Variants in ZNF496 observed in about 807,000 individuals in gnomAD.
ZNF496 encodes the protein zinc finger protein 496, also known as NSD1 (nuclear receptor binding SET-domain containing 1)-interacting zinc finger protein 1.
In ZNF496, 11 loss-of-function variants were observed where a neutral mutation model predicts 58.9. The observed-to-expected ratio is 0.19, with a 90% CI of 0.12 to 0.31. ZNF496 has a LOEUF of 0.31. ZNF496 is among the 10% of genes least tolerant of loss of function. ZNF496 has a pLI of 1.00. For synonymous variants in ZNF496, 338 were observed against 318.2 expected, an observed-to-expected ratio of 1.06 and a Z score of -0.66; for missense variants, 660 against 783.0, an observed-to-expected ratio of 0.84 and a Z score of 1.88.
chr1:247,310,027 G>C, intron 7 of ZNF496: 1 of 1,425,384 alleles, frequency 7.0e-7, no homozygotes, highest in Non-Finnish European at 9.1e-7. Context: ...CGGGTGTAAA[G>C]CAGACATAAA....
chr1:247,316,879 C>A (rs1659798427), intron 6 of ZNF496, among the ~76,000 whole-genome samples: 1 of 152,094 alleles, frequency 6.6e-6, no homozygotes, highest in Admixed American at 6.6e-5. Context: ...GGACATTGAT[C>A]TACAGCGGGA....
At position 247,329,462 on chromosome 1, in the gene ZNF496, C is replaced by G; in HGVS notation, c.117G>C (p.Glu39Asp). The change falls in exon 4 of 10, where the codon GAG becomes GAC. Residue 39 changes from glutamate to aspartate, a missense_variant. By Grantham distance (45) the Glu-to-Asp change is conservative. Coordinates refer to ENST00000682384, the MANE Select transcript of ZNF496 (RefSeq NM_032752.3). The surrounding 1 kb of genome is among the most constrained non-coding windows in gnomAD (Gnocchi z 5.5). ...PSPQGELPSP[E>D]SSRRLFRRFR... ...AACGGCGGAAGAGACGCCGAGAGGA[C>G]TCGGGGCTGGGAAGCTCCCCCTGGG... 6.2e-7 allele frequency: 1 copy of G among 1,611,826 alleles called. No homozygotes were observed. Among genetic ancestry groups the G allele is most frequent in the Non-Finnish European group, 8.5e-7 (1 of 1,179,138 alleles).
At chr1:247,302,634 CCCG>C (rs1204026285) in intron 9 of ZNF496, among the ~76,000 whole-genome samples, 1 of 150,286 alleles carries the variant, frequency 6.7e-6, no homozygotes, top group Non-Finnish European at 1.5e-5. Flanking sequence ...AGCCACTGCG[CCCG>C]CCGAGAGGCT....
rs1175502690 is a variant in ZNF496, at chr1:247,308,401, C to T, written c.1006+74G>A. 3 of 1,315,746 alleles carry T rather than the reference C, an allele frequency of 2.3e-6. No individual in the cohort carries two copies. Among genetic ancestry groups the T allele is most frequent in the Admixed American group, 1.7e-5 (1 of 58,398 alleles). 81.5% of individuals were successfully genotyped at this position (1,315,746 alleles called of 1,614,324 possible). On this transcript the variant is annotated intron_variant, in intron 9 of 9. Coordinates refer to ENST00000682384, the MANE Select transcript of ZNF496 (RefSeq NM_032752.3). The surrounding 1 kb of genome is among the most constrained non-coding windows in gnomAD (Gnocchi z 4.5). ...CAACACAACCATCCCCTATGCCACA[C>T]ATGCATACATACATTCATGCGACAC... is the stretch of plus-strand genomic sequence containing the variant.
At chr1:247,307,568 C>G (rs1477055610) in intron 9 of ZNF496, 1 of 985,224 alleles carries the variant, frequency 1.0e-6, no homozygotes, top group Non-Finnish European at 1.2e-6. Flanking sequence ...TCTTAGAAAA[C>G]CAGGGGTGGG....
intron 6 of ZNF496, chr1:247,311,153 A>ACCTTG (rs1484326737): frequency 6.6e-6 from 1 of 152,382 alleles, no homozygotes; most frequent in East Asian, 1.9e-4. Context: ...TAATCCCAGC[A>ACCTTG]CCTTGGGAGG....
At chr1:247,322,473 A>C (rs1029544826) in intron 6 of ZNF496, among the ~76,000 whole-genome samples, 3 of 152,198 alleles carry the variant, frequency 2.0e-5, no homozygotes, top group African/African-American at 7.2e-5. Flanking sequence ...TGATGCTGTC[A>C]TAACTAAATC....
At chr1:247,307,804 G>C (rs1659464152) in intron 9 of ZNF496, 3 of 985,434 alleles carry the variant, frequency 3.0e-6, no homozygotes, top group Non-Finnish European at 3.6e-6. Context: ...AAGAATCAGA[G>C]GCTTGGGTTT....
rs1352964156 is a variant in ZNF496 at position 247,301,356 on chromosome 1, A to C, written c.1007-80T>G. The stretch of plus-strand genomic sequence containing the variant: ...CTATGACCGCGGCGGAGGAACACTC[A>C]GCTTGGAGTTTACAAACCCGTGTTT... On this transcript the variant is annotated intron_variant, in intron 9 of 9. Coordinates refer to ENST00000682384, the MANE Select transcript of ZNF496 (RefSeq NM_032752.3). 32 of 1,461,026 alleles carry C rather than the reference A, an allele frequency of 2.2e-5. No homozygotes were observed. The East Asian group carries it at 7.4e-4, about 34-fold the overall frequency. The allele number at this position is 1,461,026 out of a possible 1,614,324, so 90.5% of individuals were successfully genotyped here.
chr1:247,322,978 AAGG>A (rs1433036738), intron 6 of ZNF496, among the ~76,000 whole-genome samples, 173 bp downstream of exon 6: 1 of 152,130 alleles, frequency 6.6e-6, no homozygotes, highest in Non-Finnish European at 1.5e-5. Flanking sequence ...GACCACAGGG[AAGG>A]AGGAGAAATG....
chr1:247,301,227 G>A lies in ZNF496; in HGVS notation c.1056C>T (p.Thr352=), dbSNP rs1266756817. ...SLENSLDEEV[T]IEIVLSSSGD... is the part of the protein sequence containing the mutation. The stretch of plus-strand genomic sequence containing the variant: ...CAGAGCTGGAGAGAACGATCTCGAT[G>A]GTCACTTCTTCATCCAGGCTGTTCT... The change falls in exon 10 of 10, where the codon ACC becomes ACT. Residue 352 remains threonine (T), a synonymous_variant. Transcript: ENST00000682384. The A allele has an allele frequency of 6.5e-7, 1 of 1,537,400 alleles. No individual in the cohort carries two copies. Among genetic ancestry groups the A allele is most frequent in the South Asian group, 1.3e-5 (1 of 78,816 alleles).
chr1:247,317,685 G>A (rs1390323720), intron 6 of ZNF496, among the ~76,000 whole-genome samples: 1 of 152,188 alleles, frequency 6.6e-6, no homozygotes, highest in Admixed American at 6.5e-5. Context: ...GAAACCTGAC[G>A]TTCTCTCACC....
In ZNF496 at chr1:247,301,212, G is replaced by T; in HGVS notation, c.1071C>A (p.Leu357=). ...GGGAGTCCTCGTCCCCAGAGCTGGA[G>T]AGAACGATCTCGATGGTCACTTCTT... ...LDEEVTIEIV[L]SSSGDEDSQH... is the part of the protein sequence containing the mutation. The change falls in exon 10 of 10, where the codon CTC becomes CTA. Residue 357 remains leucine, a synonymous_variant. Coordinates refer to ENST00000682384, the MANE Select transcript of ZNF496 (RefSeq NM_032752.3). 6.4e-7 allele frequency: 1 copy of T among 1,557,628 alleles called. No homozygotes were observed. Among genetic ancestry groups the T allele is most frequent in the Non-Finnish European group, 8.7e-7 (1 of 1,152,054 alleles).
At position 247,308,416 on chromosome 1, in the gene ZNF496, T is replaced by A; in HGVS notation, c.1006+59A>T. The A allele has an allele frequency of 2.1e-6, 3 of 1,456,352 alleles. No individual in the cohort carries two copies. The South Asian group carries it at 3.4e-5, about 17-fold the overall frequency. The allele number at this position is 1,456,352 out of a possible 1,614,324, so 90.2% of individuals were successfully genotyped here. A position where few individuals can be genotyped will look rare whatever the true frequency, so the allele number is the denominator to read the frequency against. On this transcript the variant is annotated intron_variant, in intron 9 of 9. Transcript: ENST00000682384. This position sits in a 1 kb window ranked among gnomAD's most constrained non-coding sequence, Gnocchi z 4.5. ...CTATGCCACACATGCATACATACATTCATGCGACACACCACAGACACACAG... is the reference window on the plus strand; with the variant it reads ...CTATGCCACACATGCATACATACATACATGCGACACACCACAGACACACAG...
At chr1:247,310,284 G>T (rs749643332) in intron 7 of ZNF496, 40 bp downstream of exon 7, 4 of 1,613,122 alleles carry the variant, frequency 2.5e-6, no homozygotes, top group Non-Finnish European at 3.4e-6. Flanking sequence ...CCCCTGCCCA[G>T]TTCCCTGGTC....
chr1:247,315,198 A>C (rs965131789), intron 6 of ZNF496, among the ~76,000 whole-genome samples: 1 of 151,780 alleles, frequency 6.6e-6, no homozygotes, highest in African/African-American at 2.4e-5. Context: ...TCAATTGTAC[A>C]TATGTATCCC....
Position 247,300,018 on chromosome 1 carries a change from CA to C in ZNF496, c.*500del, listed in dbSNP as rs1558434278. On this transcript the variant is annotated 3_prime_UTR_variant, in exon 10 of 10. Coordinates refer to ENST00000682384, the MANE Select transcript of ZNF496 (RefSeq NM_032752.3). The surrounding 1 kb of genome is among the most constrained non-coding windows in gnomAD (Gnocchi z 5.7). Reference sequence around the variant, plus strand: ...GCCTGGCCCTGCTCCCCACTGAGCCCATCAGTCCCACCCTGCCTTCTTCTTT... The same window carrying C: ...GCCTGGCCCTGCTCCCCACTGAGCCCTCAGTCCCACCCTGCCTTCTTCTTT... 6.5e-6 allele frequency: 1 copy of C among 152,882 alleles called. No individual in the cohort carries two copies. The highest frequency in any genetic ancestry group is 1.5e-5 in the Non-Finnish European group (1 of 68,548). 9.5% of individuals were successfully genotyped at this position (152,882 alleles called of 1,614,324 possible). A position where few individuals can be genotyped will look rare whatever the true frequency, so the allele number is the denominator to read the frequency against.
At chr1:247,324,170 C>T (rs575311823) in intron 5 of ZNF496, among the ~76,000 whole-genome samples, 12 of 151,390 alleles carry the variant, frequency 7.9e-5, no homozygotes, top group East Asian at 5.8e-4. Context: ...TCATTTTTGA[C>T]GACATGAATG....
In ZNF496 at chr1:247,329,752, G is replaced by A; in HGVS notation, c.-37-137C>T. ...GCCCTGGGAAAGGTAGGGAGTGTTG[G>A]TGTGGCTGGTCTTTACACACAGGAT... On this transcript the variant is annotated intron_variant, in intron 3 of 9. Coordinates refer to ENST00000682384, the MANE Select transcript of ZNF496 (RefSeq NM_032752.3). This position sits in a 1 kb window ranked among gnomAD's most constrained non-coding sequence, Gnocchi z 5.5. 1.3e-6 allele frequency: 1 copy of A among 759,834 alleles called. No homozygotes were observed. Among genetic ancestry groups the A allele is most frequent in the Non-Finnish European group, 2.0e-6 (1 of 495,588 alleles). 47.1% of individuals were successfully genotyped at this position (759,834 alleles called of 1,614,324 possible).
Sources: allele counts gnomAD v4.1 joint callset (sites outside exome capture counted in the v4.1 genomes callset), GRCh38; gene constraint gnomAD v4.1.1; non-coding constraint Gnocchi (gnomAD v3.1); transcripts MANE v1.5; gene names NCBI Gene and HGNC (gene_info 2026-07-23, HGNC 2026-07-21).